KLHL13: variants seen among roughly 807,000 people sequenced by gnomAD.
KLHL13 encodes the protein kelch-like protein 13.
Under a neutral mutation model 37.1 loss-of-function variants are expected in KLHL13, and 10 were observed. The observed-to-expected ratio is 0.27, with a 90% CI of 0.17 to 0.46. The LOEUF (loss-of-function observed/expected upper bound fraction) is 0.46. Ranked by LOEUF, KLHL13 falls within the 20% of genes least tolerant of loss-of-function variation. KLHL13 has a pLI of 1.00. For missense variants in KLHL13, 360 were observed against 509.3 expected, an observed-to-expected ratio of 0.71 and a Z score of 2.82; for synonymous variants, 163 against 181.2, an observed-to-expected ratio of 0.90 and a Z score of 0.81.
At chrX:117,991,236 T>C (rs1309385651) in intron 1 of KLHL13, among the ~76,000 whole-genome samples, 1 of 109,963 alleles carries the variant, frequency 9.1e-6, no homozygotes, top group Non-Finnish European at 1.9e-5. Context: ...TATGTGCTAG[T>C]TGGTAATACA....
chrX:118,093,663 G>C (rs2055165425), intron 1 of KLHL13, among the ~76,000 whole-genome samples: 2 of 111,576 alleles, frequency 1.8e-5, no homozygotes, highest in Non-Finnish European at 3.8e-5. Context: ...ATAGGTTATA[G>C]CTAGGAAATC....
Position 118,066,954 on chromosome X carries a change from T to C in KLHL13, c.-56+49554A>G, listed in dbSNP as rs750269931. Among the ~76,000 whole-genome samples, 5 of 112,006 alleles carry C rather than the reference T, an allele frequency of 4.5e-5. No homozygotes were observed. In the East Asian group the frequency reaches 8.4e-4, roughly 19 times the overall value. On this transcript the variant is annotated intron_variant, in intron 1 of 6. Transcript: ENST00000371882. The stretch of plus-strand genomic sequence containing the variant: ...ATTCTTTATTCTTCCCATTGGTATA[T>C]ACATAGAGAGTTTCCAATAGTTTCT...
chrX:118,025,536 T>C (rs1358593832), intron 1 of KLHL13, among the ~76,000 whole-genome samples: 3 of 111,105 alleles, frequency 2.7e-5, no homozygotes, highest in African/African-American at 9.8e-5. Flanking sequence ...CACGGAACCC[T>C]TATTTAACTT....
In KLHL13 at chrX:117,899,057, G is replaced by A. The variant is rs1929918891; in HGVS notation, c.1819C>T (p.Gln607Ter). 8.3e-7 allele frequency: 1 copy of A among 1,210,865 alleles called. No individual in the cohort carries two copies. Among genetic ancestry groups the A allele is most frequent in the Non-Finnish European group, 1.1e-6 (1 of 894,835 alleles). ...TCATCTTTATCTGGATCATATTTCT[G>A]CACTATCTCTACCATACAACGATTA... is the stretch of plus-strand genomic sequence containing the variant. The change falls in exon 7 of 7, where the codon CAG (glutamine) becomes TAG (stop). Residue 607 changes from glutamine to a stop codon, truncating the protein, a stop_gained. Coordinates refer to ENST00000262820, the Ensembl canonical transcript of KLHL13. LOFTEE classifies it high-confidence loss of function.
At chrX:118,088,547 G>A (rs1393626228) in intron 1 of KLHL13, among the ~76,000 whole-genome samples, 1 of 111,653 alleles carries the variant, frequency 9.0e-6, no homozygotes, top group Non-Finnish European at 1.9e-5. Flanking sequence ...TCAGCATTTT[G>A]CCTTACAAAC....
chrX:118,092,858 G>A (rs754504686), intron 1 of KLHL13, among the ~76,000 whole-genome samples: 2 of 111,785 alleles, frequency 1.8e-5, no homozygotes, highest in African/African-American at 3.2e-5. Flanking sequence ...GGGAAACTGG[G>A]TGACAGGTAC....
chrX:117,950,222 T>C (rs1480201561), intron 1 of KLHL13, among the ~76,000 whole-genome samples: 1 of 112,552 alleles, frequency 8.9e-6, no homozygotes, highest in Non-Finnish European at 1.9e-5. Flanking sequence ...ATCCCAGCAC[T>C]TTGGGAGGCC....
At chrX:117,949,247 C>A (rs1049423108) in intron 1 of KLHL13, among the ~76,000 whole-genome samples, 1 of 112,208 alleles carries the variant, frequency 8.9e-6, no homozygotes, top group Non-Finnish European at 1.9e-5. Flanking sequence ...ACTCCTACTA[C>A]TGTCTGCATA....
In KLHL13 at chrX:117,943,229, C is replaced by A. The variant is rs190155346; in HGVS notation, c.240+2205G>T. Among the ~76,000 whole-genome samples the A allele has an allele frequency of 2.1e-3, 231 of 111,599 alleles. 1 individual carries two copies. Among genetic ancestry groups the A allele is most frequent in the Non-Finnish European group, 3.5e-3 (184 of 53,094 alleles). ...CTGATGGGCTTCCCTTTGTAGGTAA[C>A]CCGACCTGTCTCTCCAGCTTCCCTT... On this transcript the variant is annotated intron_variant, in intron 2 of 6. Transcript: ENST00000262820.
At chrX:118,028,436 A>G in intron 1 of KLHL13, 1 of 1,129,149 alleles carries the variant, frequency 8.9e-7, no homozygotes, top group South Asian at 1.9e-5. Flanking sequence ...GTTACGAAGT[A>G]TTGCAGCAAC....
At chrX:118,068,620 C>T (rs937571314) in intron 1 of KLHL13, among the ~76,000 whole-genome samples, 1 of 111,152 alleles carries the variant, frequency 9.0e-6, no homozygotes, top group Non-Finnish European at 1.9e-5. Context: ...TAGCATTAAG[C>T]TCAGCTGAGG....
chrX:118,053,166 T>C lies in KLHL13; in HGVS notation c.-56+63342A>G, dbSNP rs144405810. Among the ~76,000 whole-genome samples, 165 of 112,144 alleles carry C rather than the reference T, an allele frequency of 1.5e-3. 2 individuals carry two copies. The highest frequency in any genetic ancestry group is 5.2e-3 in the African/African-American group (160 of 30,883). On this transcript the variant is annotated intron_variant, in intron 1 of 6. Transcript: ENST00000371882. ...TATATACCCAAAGGATTATAAAACATGCTGCTATAAAGACGCATGCACACG... is the reference window on the plus strand; with the variant it reads ...TATATACCCAAAGGATTATAAAACACGCTGCTATAAAGACGCATGCACACG...
At chrX:118,009,047 G>A (rs780262075) in intron 1 of KLHL13, among the ~76,000 whole-genome samples, 2 of 111,420 alleles carry the variant, frequency 1.8e-5, no homozygotes, top group Non-Finnish European at 3.8e-5. Context: ...AAGAGTCAAT[G>A]CTATTGAGAA....
At chrX:117,938,015 C>G (rs747060880) in intron 2 of KLHL13, among the ~76,000 whole-genome samples, 1 of 112,057 alleles carries the variant, frequency 8.9e-6, no homozygotes, top group Non-Finnish European at 1.9e-5. Context: ...ACATAAAACA[C>G]GGACTTTGGT....
intron 6 of KLHL13, among the ~76,000 whole-genome samples, chrX:117,900,415 A>G (rs1460585739): frequency 1.8e-5 from 2 of 112,133 alleles, no homozygotes; most frequent in African/African-American, 6.5e-5. Flanking sequence ...AATATACGCC[A>G]GTTATGCCAA....
intron 1 of KLHL13, among the ~76,000 whole-genome samples, chrX:118,114,592 A>G (rs746733990): frequency 3.6e-5 from 4 of 112,300 alleles, no homozygotes; most frequent in Non-Finnish European, 7.5e-5. Flanking sequence ...TAGTTTGCTA[A>G]GAAAATTACA....
At chrX:118,010,088 C>A (rs2054043209) in intron 1 of KLHL13, among the ~76,000 whole-genome samples, 1 of 106,207 alleles carries the variant, frequency 9.4e-6, no homozygotes, top group Admixed American at 1.0e-4. Flanking sequence ...AGTCAGGAAA[C>A]AACAGGTGCT....
At chrX:117,972,215 G>C (rs2053535613) in intron 1 of KLHL13, among the ~76,000 whole-genome samples, 1 of 111,908 alleles carries the variant, frequency 8.9e-6, no homozygotes, top group Admixed American at 9.5e-5. Flanking sequence ...AACTGAGAAA[G>C]ATGTACTATC....
chrX:117,951,934 T>C (rs188328327), intron 1 of KLHL13, among the ~76,000 whole-genome samples: 36 of 112,127 alleles, frequency 3.2e-4, no homozygotes, highest in African/African-American at 7.1e-4. Context: ...ACATTCCATG[T>C]TCATGGGTAG....
Sources: allele counts gnomAD v4.1 joint callset (sites outside exome capture counted in the v4.1 genomes callset), GRCh38; gene constraint gnomAD v4.1.1; transcripts MANE v1.5; gene names NCBI Gene and HGNC (gene_info 2026-07-23, HGNC 2026-07-21).